ZPLD1: variants seen among roughly 807,000 people sequenced by gnomAD.
ZPLD1 encodes the protein zona pellucida-like domain-containing protein 1.
A neutral mutation model predicts 47.2 loss-of-function variants in ZPLD1; 34 were observed. The observed-to-expected ratio is 0.72, with a 90% confidence interval of 0.55 to 0.96. The LOEUF is 0.96. Among genes scored for constraint, ZPLD1 ranks in the 40% least tolerant of loss-of-function variants. The probability of loss-of-function intolerance (pLI) is 0.00; values close to 1 mark genes in which losing one functional copy is unlikely to be tolerated. For synonymous variants in ZPLD1, 176 were observed against 186.2 expected, an observed-to-expected ratio of 0.95 and a Z score of 0.45; for missense variants, 512 against 505.8, an observed-to-expected ratio of 1.01 and a Z score of -0.12.
At chr3:102,431,620 G>A (rs1357423202), upstream of ZPLD1, among the ~76,000 whole-genome samples, 1 of 152,066 alleles carries the variant, frequency 6.6e-6, no homozygotes, top group Non-Finnish European at 1.5e-5. Flanking sequence ...TAAAACTAAT[G>A]ATTTAGGGCC....
chr3:102,450,393 A>G (rs567175174), intron 3 of ZPLD1, among the ~76,000 whole-genome samples: 6 of 152,294 alleles, frequency 3.9e-5, no homozygotes, highest in East Asian at 1.9e-4. Flanking sequence ...TCGTGCTCCT[A>G]TTGTAGGCAA....
chr3:102,425,065 T>C (rs1423099620), intron 8 of ZPLD1, among the ~76,000 whole-genome samples: 1 of 152,144 alleles, frequency 6.6e-6, no homozygotes, highest in Non-Finnish European at 1.5e-5. Context: ...ATTTAGAAGT[T>C]CAAATATTAC....
chr3:102,417,021 T>G (rs1225861001), intron 7 of ZPLD1, among the ~76,000 whole-genome samples: 1 of 151,784 alleles, frequency 6.6e-6, no homozygotes, highest in African/African-American at 2.4e-5. Flanking sequence ...GACTAGAAAT[T>G]TTAAGAGGCC....
Position 102,470,337 on chromosome 3 carries a change from A to G in ZPLD1, c.934-57A>G, listed in dbSNP as rs545617818. 20 of 1,393,248 alleles carry G rather than the reference A, an allele frequency of 1.4e-5. No homozygotes were observed. The South Asian group carries it at 1.8e-4, about 12-fold the overall frequency. 86.3% of individuals were successfully genotyped at this position (1,393,248 alleles called of 1,614,324 possible). A position where few individuals can be genotyped will look rare whatever the true frequency, so the allele number is the denominator to read the frequency against. On this transcript the variant is annotated intron_variant, in intron 9 of 11. Transcript: ENST00000466937. ...AAAAGAATCTGCTTTCCAAATGGCC[A>G]TAAAGAAACAATTCTGCGCCGGTGT...
chr3:102,393,873 T>C (rs1706529268), intron 7 of ZPLD1, among the ~76,000 whole-genome samples: 1 of 152,286 alleles, frequency 6.6e-6, no homozygotes, highest in African/African-American at 2.4e-5. Context: ...ATCTTCGTGA[T>C]TTTTAGAGAA....
chr3:102,470,511 G>A lies in ZPLD1; in HGVS notation c.1042+9G>A, dbSNP rs1707665218. ...CATCATTACTCGGAGTGGTAAGTGT[G>A]CTCCTCCTTCTGTATGTAGTAATAG... is the stretch of plus-strand genomic sequence containing the variant. On this transcript the variant is annotated intron_variant, in intron 10 of 11. Coordinates refer to ENST00000466937, the MANE Select transcript of ZPLD1 (RefSeq NM_001329788.2). 2 of 1,610,702 alleles carry A rather than the reference G, an allele frequency of 1.2e-6. No homozygotes were observed. Among genetic ancestry groups the A allele is most frequent in the Non-Finnish European group, 1.7e-6 (2 of 1,177,158 alleles).
intron 3 of ZPLD1, among the ~76,000 whole-genome samples, chr3:102,445,122 TG>T (rs1707238109): frequency 6.6e-6 from 1 of 152,226 alleles, no homozygotes. Flanking sequence ...TGGACTGCTC[TG>T]CTTCCTCCGG....
chr3:102,404,393 T>G (rs1485650952), intron 7 of ZPLD1, among the ~76,000 whole-genome samples: 1 of 152,000 alleles, frequency 6.6e-6, no homozygotes, highest in Non-Finnish European at 1.5e-5. Flanking sequence ...GCCTTTAAAA[T>G]GTAGGCTGCC....
intron 3 of ZPLD1, among the ~76,000 whole-genome samples, chr3:102,450,376 A>G (rs1006826898): frequency 4.6e-5 from 7 of 152,096 alleles, no homozygotes; most frequent in African/African-American, 9.7e-5. Flanking sequence ...CTTTCCCCCA[A>G]TTGTTCTCGT....
chr3:102,397,629 T>A (rs1292636259), intron 7 of ZPLD1, among the ~76,000 whole-genome samples: 1 of 152,126 alleles, frequency 6.6e-6, no homozygotes, highest in East Asian at 1.9e-4. Flanking sequence ...TTGTATTCTA[T>A]TTCAGAAGGT....
rs867994535 is a variant in ZPLD1, at chr3:102,388,109, C to G, written c.-213+2792C>G. On this transcript the variant is annotated intron_variant, in intron 6 of 17. Transcript: ENST00000491959. ...TTTCCTGACCTCGTGATCCGCCCGC[C>G]TCGGCCTCCCAAAGTGCTGGGATTA... is the stretch of plus-strand genomic sequence containing the variant. Among the ~76,000 whole-genome samples, 12 of 152,050 alleles carry G rather than the reference C, an allele frequency of 7.9e-5. 1 individual carries two copies. Among genetic ancestry groups the G allele is most frequent in the Non-Finnish European group, 1.5e-4 (10 of 68,016 alleles).
chr3:102,398,973 G>A (rs1339242515), intron 7 of ZPLD1, among the ~76,000 whole-genome samples: 1 of 152,012 alleles, frequency 6.6e-6, no homozygotes, highest in African/African-American at 2.4e-5. Flanking sequence ...GATACAAGAT[G>A]GAACAATAAA....
At chr3:102,447,728 G>T (rs1263668144) in intron 3 of ZPLD1, among the ~76,000 whole-genome samples, 1 of 152,088 alleles carries the variant, frequency 6.6e-6, no homozygotes, top group African/African-American at 2.4e-5. Flanking sequence ...TTTAAGTAAG[G>T]TCAGTATAAA....
At chr3:102,458,533 T>G (rs1023530927) in intron 6 of ZPLD1, among the ~76,000 whole-genome samples, 2 of 152,234 alleles carry the variant, frequency 1.3e-5, no homozygotes, top group African/African-American at 4.8e-5. Flanking sequence ...AACCAACATT[T>G]CTGTAAATTA....
chr3:102,394,791 C>G (rs1706538147), intron 7 of ZPLD1, among the ~76,000 whole-genome samples: 1 of 152,154 alleles, frequency 6.6e-6, no homozygotes, highest in South Asian at 2.1e-4. Flanking sequence ...GCAAATTTCT[C>G]AGTCCTACAA....
intron 3 of ZPLD1, among the ~76,000 whole-genome samples, chr3:102,449,538 T>A (rs1047823528): frequency 2.0e-5 from 3 of 152,208 alleles, no homozygotes; most frequent in African/African-American, 7.2e-5. Flanking sequence ...TTCAGCTCCA[T>A]CCTGCCCAGG....
At chr3:102,442,468 T>A (rs901972626) in intron 3 of ZPLD1, among the ~76,000 whole-genome samples, 1 of 152,142 alleles carries the variant, frequency 6.6e-6, no homozygotes, top group Admixed American at 6.6e-5. Context: ...AGAGACTTTA[T>A]ATTTAGATGG....
intron 9 of ZPLD1, among the ~76,000 whole-genome samples, chr3:102,469,823 C>A (rs1559761789): frequency 6.6e-6 from 1 of 152,150 alleles, no homozygotes. Context: ...AATAAAGATC[C>A]ATTTAAAGTA....
intron 7 of ZPLD1, among the ~76,000 whole-genome samples, chr3:102,398,522 C>G (rs759979681): frequency 3.3e-5 from 5 of 152,050 alleles, no homozygotes; most frequent in Non-Finnish European, 7.4e-5. Flanking sequence ...GGCCTTTCCC[C>G]TTTATATACT....
Sources: allele counts gnomAD v4.1 joint callset (sites outside exome capture counted in the v4.1 genomes callset), GRCh38; gene constraint gnomAD v4.1.1; transcripts MANE v1.5; gene names NCBI Gene and HGNC (gene_info 2026-07-23, HGNC 2026-07-21).